The following MRPL1 variants were observed in gnomAD, a reference collection of about 807,000 sequenced individuals.
The protein encoded by MRPL1 is mitochondrial ribosomal protein L1, also known as large ribosomal subunit protein uL1m.
In MRPL1, 28 loss-of-function variants were observed where a neutral mutation model predicts 38.0. The observed-to-expected ratio is 0.74, with a 90% CI of 0.55 to 1.01. The LOEUF (loss-of-function observed/expected upper bound fraction) is 1.01. MRPL1 is among the 50% of genes least tolerant of loss of function. MRPL1 has a pLI of 0.00. For missense variants in MRPL1, 358 were observed against 389.8 expected (o/e 0.92, Z 0.69); for synonymous variants, 123 against 126.7 (o/e 0.97, Z 0.20).
At chr4:77,896,852 T>A (rs1328506079) in intron 6 of MRPL1, among the ~76,000 whole-genome samples, 1 of 152,158 alleles carries the variant, frequency 6.6e-6, no homozygotes, top group Non-Finnish European at 1.5e-5. Flanking sequence ...TTTCTCAATA[T>A]TTTTTGTTTT....
chr4:77,896,774 C>T (rs539430233), intron 6 of MRPL1, among the ~76,000 whole-genome samples: 119 of 152,092 alleles, frequency 7.8e-4, no homozygotes, highest in Admixed American at 3.4e-3. Context: ...CAGTTTTATT[C>T]GTTTTATTTT....
intron 6 of MRPL1, among the ~76,000 whole-genome samples, chr4:77,908,570 A>G (rs530452589): frequency 1.3e-5 from 2 of 152,022 alleles, no homozygotes; most frequent in Non-Finnish European, 2.9e-5. Context: ...TATAGATTTT[A>G]TTTTAATATG....
chr4:77,941,945 G>A (rs1245815391), intron 7 of MRPL1, among the ~76,000 whole-genome samples: 1 of 151,900 alleles, frequency 6.6e-6, no homozygotes, highest in Non-Finnish European at 1.5e-5. Flanking sequence ...TGTTTCTCTA[G>A]TTCTTTGAGG....
At chr4:77,894,360 G>A in intron 6 of MRPL1, 110 bp downstream of exon 6, 1 of 643,140 alleles carries the variant, frequency 1.6e-6, no homozygotes, top group Non-Finnish European at 2.6e-6. Flanking sequence ...GTATGTCCTG[G>A]TATTTGAGTT....
chr4:77,923,932 C>T (rs931899075), intron 7 of MRPL1, among the ~76,000 whole-genome samples: 6 of 151,032 alleles, frequency 4.0e-5, no homozygotes, highest in Non-Finnish European at 7.4e-5. Context: ...ACCTGGGAGG[C>T]GGAGGTTGCA....
rs1735425132 is a variant in MRPL1 at position 77,877,480 on chromosome 4, C to T, written c.143+5625C>T. Among the ~76,000 whole-genome samples, 2 of 114,686 alleles carry T rather than the reference C, an allele frequency of 1.7e-5. 1 individual carries two copies. Among genetic ancestry groups the T allele is most frequent in the African/African-American group, 6.8e-5 (2 of 29,282 alleles). The allele number at this position is 114,686 out of a possible 152,430, so 75.2% of individuals were successfully genotyped here. On this transcript the variant is annotated intron_variant, in intron 2 of 8. Coordinates refer to ENST00000315567, the MANE Select transcript of MRPL1 (RefSeq NM_020236.4). The stretch of plus-strand genomic sequence containing the variant: ...GTTCATGCTCAATTTTCTGCATTCC[C>T]TGTGCAGCTGTGTTTCAGTGGCAGT...
chr4:77,909,177 A>G, intron 6 of MRPL1, 89 bp from the exon 7 acceptor site: 3 of 819,248 alleles, frequency 3.7e-6, no homozygotes, highest in Non-Finnish European at 6.2e-6. Context: ...TATTTGCTAT[A>G]TCTTTACATG....
intron 2 of MRPL1, among the ~76,000 whole-genome samples, chr4:77,876,188 GTCTCA>G (rs1340293324): frequency 1.3e-5 from 2 of 152,096 alleles, no homozygotes; most frequent in Non-Finnish European, 2.9e-5. Context: ...GGCCAGGCTG[GTCTCA>G]GACTGCTGAC....
chr4:77,952,689 T>C lies in MRPL1; in HGVS notation c.*82T>C. ...AATACAGCATAATTTTTACATTTGA[T>C]GTCTTGTTATTGATCATACTTGAAA... On this transcript the variant is annotated 3_prime_UTR_variant, in exon 9 of 9. Coordinates refer to ENST00000315567, the MANE Select transcript of MRPL1 (RefSeq NM_020236.4). 1.2e-6 allele frequency: 1 copy of C among 821,242 alleles called. No individual in the cohort carries two copies. Among genetic ancestry groups the C allele is most frequent in the Middle Eastern group, 3.1e-4 (1 of 3,180 alleles). 50.9% of individuals were successfully genotyped at this position (821,242 alleles called of 1,614,324 possible).
At chr4:77,939,022 G>A (rs990861753) in intron 7 of MRPL1, among the ~76,000 whole-genome samples, 4 of 152,260 alleles carry the variant, frequency 2.6e-5, no homozygotes, top group African/African-American at 9.6e-5. Context: ...CATCACCCGA[G>A]CAGTGTACAC....
At chr4:77,923,505 T>C (rs1560470920) in intron 7 of MRPL1, among the ~76,000 whole-genome samples, 2 of 152,234 alleles carry the variant, frequency 1.3e-5, no homozygotes, top group Non-Finnish European at 2.9e-5. Context: ...CATACTAACT[T>C]ATATCCAACT....
chr4:77,934,224 T>C (rs1736911787), intron 7 of MRPL1, among the ~76,000 whole-genome samples: 1 of 152,218 alleles, frequency 6.6e-6, no homozygotes, highest in East Asian at 1.9e-4. Flanking sequence ...TTTAAAACTT[T>C]TGTGCGTTAA....
chr4:77,865,176 C>T (rs1170060464), intron 1 of MRPL1, among the ~76,000 whole-genome samples: 1 of 152,102 alleles, frequency 6.6e-6, no homozygotes, highest in African/African-American at 2.4e-5. Flanking sequence ...AGGCATGAGC[C>T]ACCATGCCCA....
chr4:77,889,468 A>G (rs1029591692), intron 5 of MRPL1, among the ~76,000 whole-genome samples: 1 of 152,230 alleles, frequency 6.6e-6, no homozygotes, highest in Non-Finnish European at 1.5e-5. Context: ...AATCTCTGGG[A>G]CACATTTGAA....
intron 2 of MRPL1, among the ~76,000 whole-genome samples, chr4:77,873,583 T>G (rs1263953754): frequency 6.6e-6 from 1 of 152,202 alleles, no homozygotes; most frequent in Non-Finnish European, 1.5e-5. Context: ...TTCCATAAAC[T>G]TAATTTAATA....
rs1357516401 is a variant in MRPL1 at position 77,907,135 on chromosome 4, A to G, written c.671-2131A>G. 25 of 984,792 alleles carry G rather than the reference A, an allele frequency of 2.5e-5. 1 individual carries two copies. The South Asian group carries it at 1.0e-3, about 41-fold the overall frequency. 61.0% of individuals were successfully genotyped at this position (984,792 alleles called of 1,614,324 possible). On this transcript the variant is annotated intron_variant, in intron 6 of 8. Transcript: ENST00000315567. ...AGCATGGTGGGAGTGATGTCTCTTC[A>G]GTGGCACAGTCTTCATTCTATTTCT...
At chr4:77,930,748 T>G (rs1256093293) in intron 7 of MRPL1, among the ~76,000 whole-genome samples, 1 of 152,182 alleles carries the variant, frequency 6.6e-6, no homozygotes, top group Non-Finnish European at 1.5e-5. Flanking sequence ...GTGGCAGGCT[T>G]TAAGTCAGAA....
intron 2 of MRPL1, among the ~76,000 whole-genome samples, chr4:77,878,953 A>T (rs1483355272): frequency 6.6e-6 from 1 of 152,200 alleles, no homozygotes; most frequent in African/African-American, 2.4e-5. Flanking sequence ...CAGATGAGAC[A>T]GGGGAAAAGT....
intron 7 of MRPL1, among the ~76,000 whole-genome samples, chr4:77,936,823 T>G (rs182054515): frequency 6.6e-6 from 1 of 152,248 alleles, no homozygotes; most frequent in East Asian, 1.9e-4. Context: ...TGGCATTGTT[T>G]ATTAAAAAAT....
Sources: gnomAD v4.1 joint callset for allele counts (sites outside exome capture counted in the v4.1 genomes callset) on GRCh38, gnomAD v4.1.1 for gene constraint, MANE v1.5 for transcripts, NCBI Gene and HGNC (gene_info 2026-07-23, HGNC 2026-07-21) for gene names.